Variants in SUPT3H observed in about 807,000 individuals in gnomAD.
SUPT3H encodes transcription initiation protein SPT3 homolog.
SUPT3H carries 44 observed loss-of-function variants against 44.3 expected under a neutral mutation model. That is an observed-to-expected ratio of 0.99 (90% CI 0.78 to 1.28). The LOEUF is 1.28. Among genes scored for constraint, SUPT3H ranks in the 50% most tolerant of loss-of-function variants. The pLI, the probability that SUPT3H is intolerant of heterozygous loss-of-function variation, is 0.00. For missense variants in SUPT3H, 380 were observed against 387.1 expected (o/e 0.98, Z 0.15); for synonymous variants, 124 against 125.6 (o/e 0.99, Z 0.09).
At chr6:45,102,187 G>A (rs1420281398) in intron 3 of SUPT3H, among the ~76,000 whole-genome samples, 1 of 152,006 alleles carries the variant, frequency 6.6e-6, no homozygotes, top group Non-Finnish European at 1.5e-5. Flanking sequence ...AATGTATACT[G>A]GTTACACAGT....
intron 2 of SUPT3H, among the ~76,000 whole-genome samples, chr6:45,202,375 A>G (rs1356573701): frequency 6.6e-6 from 1 of 151,990 alleles, no homozygotes. Flanking sequence ...AGTATAAAAG[A>G]AAGAAGAGCA....
intron 10 of SUPT3H, among the ~76,000 whole-genome samples, chr6:44,892,920 T>C (rs1763528260): frequency 6.6e-6 from 1 of 152,194 alleles, no homozygotes; most frequent in Admixed American, 6.6e-5. Flanking sequence ...CAGCTGAATT[T>C]TTCTGATTTT....
intron 2 of SUPT3H, among the ~76,000 whole-genome samples, chr6:45,122,917 T>C (rs1801878348): frequency 6.6e-6 from 1 of 152,188 alleles, no homozygotes; most frequent in South Asian, 2.1e-4. Flanking sequence ...TATTTTCAGC[T>C]TCATCATTAA....
intron 10 of SUPT3H, among the ~76,000 whole-genome samples, chr6:44,910,785 G>A (rs896689069): frequency 7.9e-5 from 12 of 151,650 alleles, no homozygotes; most frequent in Non-Finnish European, 1.6e-4. Flanking sequence ...CTCGAGGTCA[G>A]GAGTTCAAGA....
intron 6 of SUPT3H, among the ~76,000 whole-genome samples, chr6:44,989,906 T>C (rs989367165): frequency 6.6e-6 from 1 of 152,152 alleles, no homozygotes; most frequent in African/African-American, 2.4e-5. Flanking sequence ...TAACTCCTTA[T>C]CAGATGTATG....
intron 3 of SUPT3H, among the ~76,000 whole-genome samples, chr6:45,102,450 A>G (rs1288829385): frequency 1.3e-5 from 2 of 152,190 alleles, no homozygotes; most frequent in African/African-American, 4.8e-5. Flanking sequence ...CTGCCAGCTA[A>G]AACAAAACCA....
chr6:45,262,203 TC>T (rs1479849627), intron 2 of SUPT3H, among the ~76,000 whole-genome samples: 1 of 152,128 alleles, frequency 6.6e-6, no homozygotes, highest in African/African-American at 2.4e-5. Flanking sequence ...ATCTCACTCT[TC>T]ACAGAATTTT....
intron 2 of SUPT3H, among the ~76,000 whole-genome samples, chr6:45,282,430 G>C (rs1778308767): frequency 6.6e-6 from 1 of 152,188 alleles, no homozygotes; most frequent in African/African-American, 2.4e-5. Flanking sequence ...CGAGAACTAC[G>C]TGACAAATGC....
intron 3 of SUPT3H, among the ~76,000 whole-genome samples, chr6:45,029,200 T>A (rs1382373593): frequency 6.6e-6 from 1 of 151,916 alleles, no homozygotes; most frequent in Non-Finnish European, 1.5e-5. Context: ...AGAGTTTCAT[T>A]TTAACTGTTC....
At chr6:44,961,609 A>G (rs1776033531) in intron 7 of SUPT3H, 144 bp downstream of exon 7, 1 of 649,434 alleles carries the variant, frequency 1.5e-6, no homozygotes, top group South Asian at 2.0e-5. Flanking sequence ...GCTCCCCACA[A>G]TGTAGACGTT....
At position 45,109,192 on chromosome 6, in the gene SUPT3H, T is replaced by A. The variant is rs868707483; in HGVS notation, c.102-3186A>T. 4.5e-4 allele frequency among the ~76,000 whole-genome samples: 69 copies of A among 152,158 alleles called. 3 individuals carry two copies. The highest frequency in any genetic ancestry group is 3.5e-3 in the Middle Eastern group (1 of 288). On this transcript the variant is annotated intron_variant, in intron 2 of 10. Transcript: ENST00000371459. ...TATGTTATTTGGTGCAAACAACCAA[T>A]AGAACAAAAAGAGAATAAAAAGTCC... is the stretch of plus-strand genomic sequence containing the variant.
At chr6:45,236,471 A>G (rs1354335871) in intron 2 of SUPT3H, among the ~76,000 whole-genome samples, 1 of 152,166 alleles carries the variant, frequency 6.6e-6, no homozygotes. Flanking sequence ...ACAAAGTAAC[A>G]GAGCAGGTTT....
intron 2 of SUPT3H, among the ~76,000 whole-genome samples, chr6:45,345,226 T>G (rs1203930354): frequency 6.6e-6 from 1 of 152,156 alleles, no homozygotes; most frequent in Non-Finnish European, 1.5e-5. Flanking sequence ...TAAATAAAAC[T>G]TCTGTTCACT....
intron 7 of SUPT3H, among the ~76,000 whole-genome samples, chr6:44,956,775 T>C (rs920067294): frequency 2.2e-4 from 34 of 152,174 alleles, no homozygotes; most frequent in Non-Finnish European, 4.7e-4. Context: ...ATCACTCTTC[T>C]TCATTCATAT....
downstream of SUPT3H, among the ~76,000 whole-genome samples, chr6:44,825,552 C>T (rs1295464185): frequency 6.6e-6 from 1 of 152,180 alleles, no homozygotes; most frequent in Non-Finnish European, 1.5e-5. Flanking sequence ...TGCTGTTCCT[C>T]AGTTTCCTCT....
intron 2 of SUPT3H, among the ~76,000 whole-genome samples, chr6:45,227,713 A>G (rs1486048672): frequency 1.3e-5 from 2 of 152,200 alleles, no homozygotes; most frequent in Non-Finnish European, 2.9e-5. Flanking sequence ...TATGCCATGA[A>G]CAATAAGATT....
Position 44,918,438 on chromosome 6 carries a change from T to C in SUPT3H, c.912+14215A>G, listed in dbSNP as rs16872844. ...TCACTTTAGTCTGGACTTGGCACAG[T>C]GTTTCAGATGGTATTCATTTGGAAT... On this transcript the variant is annotated intron_variant, in intron 10 of 10. Coordinates refer to ENST00000371459, the MANE Select transcript of SUPT3H (RefSeq NM_003599.4). Among the ~76,000 whole-genome samples the C allele has an allele frequency of 3.9e-3, 596 of 152,324 alleles. 7 individuals are homozygous for C. The highest frequency in any genetic ancestry group is 0.014 in the African/African-American group (567 of 41,562).
chr6:45,058,116 T>G (rs1388726006), intron 3 of SUPT3H, among the ~76,000 whole-genome samples: 1 of 152,094 alleles, frequency 6.6e-6, no homozygotes, highest in Non-Finnish European at 1.5e-5. Context: ...TAGTGGATTA[T>G]TTTGATAGAA....
chr6:44,973,206 T>C (rs1458939842), intron 6 of SUPT3H, among the ~76,000 whole-genome samples: 1 of 152,226 alleles, frequency 6.6e-6, no homozygotes, highest in Non-Finnish European at 1.5e-5. Context: ...AAGGAACCTC[T>C]TGAATGACTT....
Sources: allele counts gnomAD v4.1 joint callset (sites outside exome capture counted in the v4.1 genomes callset), GRCh38; gene constraint gnomAD v4.1.1; transcripts MANE v1.5; gene names NCBI Gene and HGNC (gene_info 2026-07-23, HGNC 2026-07-21).